PDE11A: variants seen among roughly 807,000 people sequenced by gnomAD.
The protein encoded by PDE11A is dual 3',5'-cyclic-AMP and -GMP phosphodiesterase 11A.
Under a neutral mutation model 100.5 loss-of-function variants are expected in PDE11A, and 100 were observed. The observed-to-expected ratio is 1.00, with a 90% CI of 0.85 to 1.18. PDE11A has a LOEUF of 1.18. PDE11A is among the 50% of genes most tolerant of loss of function. PDE11A has a pLI of 0.00. For synonymous variants in PDE11A, 381 were observed against 420.8 expected (o/e 0.91, Z 1.16); for missense variants, 1,141 against 1,152.6 (o/e 0.99, Z 0.15).
At chr2:177,680,118 G>T (rs1328434479) in intron 16 of PDE11A, among the ~76,000 whole-genome samples, 2 of 152,070 alleles carry the variant, frequency 1.3e-5, no homozygotes, top group Non-Finnish European at 2.9e-5. Context: ...TCCAGTAGTT[G>T]CCTGGTTGTG....
intron 2 of PDE11A, among the ~76,000 whole-genome samples, chr2:177,931,422 A>G (rs1280586188): frequency 1.3e-5 from 2 of 152,276 alleles, no homozygotes; most frequent in East Asian, 3.9e-4. Context: ...CAATACATTC[A>G]AAAAAGTTGA....
At chr2:178,059,254 G>A (rs1198169367) in intron 1 of PDE11A, among the ~76,000 whole-genome samples, 1 of 152,170 alleles carries the variant, frequency 6.6e-6, no homozygotes, top group East Asian at 1.9e-4. Flanking sequence ...TCTGTGTCTA[G>A]CAGGGTCCAG....
intron 15 of PDE11A, among the ~76,000 whole-genome samples, chr2:177,681,524 C>T (rs1481856798): frequency 6.6e-6 from 1 of 152,166 alleles, no homozygotes; most frequent in Non-Finnish European, 1.5e-5. Context: ...GTTTCAGTTG[C>T]TAACTCACAG....
chr2:177,799,322 T>C (rs1337415772), intron 9 of PDE11A, among the ~76,000 whole-genome samples: 1 of 152,136 alleles, frequency 6.6e-6, no homozygotes, highest in African/African-American at 2.4e-5. Context: ...GGACTTTAGT[T>C]GATAATAATA....
chr2:177,769,959 C>T (rs192653821), intron 9 of PDE11A, among the ~76,000 whole-genome samples: 1 of 151,142 alleles, frequency 6.6e-6, no homozygotes, highest in East Asian at 1.9e-4. Context: ...AATACTTGTC[C>T]TGTGAAATGC....
intron 10 of PDE11A, among the ~76,000 whole-genome samples, chr2:177,731,278 A>T (rs146123642): frequency 6.6e-6 from 1 of 152,290 alleles, no homozygotes; most frequent in African/African-American, 2.4e-5. Flanking sequence ...GCGGCCTGAT[A>T]ATCTTTAGTT....
chr2:178,035,767 T>C (rs1006185167), intron 1 of PDE11A, among the ~76,000 whole-genome samples: 1 of 152,038 alleles, frequency 6.6e-6, no homozygotes, highest in Non-Finnish European at 1.5e-5. Context: ...ACAGAACCAA[T>C]GACAAAAACC....
Position 177,666,510 on chromosome 2 carries a change from T to C in PDE11A, c.2563-2561A>G, listed in dbSNP as rs1449045601. On this transcript the variant is annotated intron_variant, in intron 18 of 19. Transcript: ENST00000286063. ...AAACAGCTGCACCATTTTACATTCC[T>C]GCTAACAATGTATGAGCTTCCAATT... is the stretch of plus-strand genomic sequence containing the variant. 2.6e-5 allele frequency among the ~76,000 whole-genome samples: 4 copies of C among 152,224 alleles called. No individual in the cohort carries two copies. In the East Asian group the frequency reaches 7.7e-4, roughly 29 times the overall value.
intron 10 of PDE11A, among the ~76,000 whole-genome samples, chr2:177,766,307 C>A (rs2082237979): frequency 6.6e-6 from 1 of 152,202 alleles, no homozygotes; most frequent in South Asian, 2.1e-4. Context: ...GCTGATCTGA[C>A]AGGAGGCGGA....
chr2:178,010,636 T>G (rs1405201494), intron 2 of PDE11A, among the ~76,000 whole-genome samples: 2 of 152,142 alleles, frequency 1.3e-5, no homozygotes, highest in African/African-American at 2.4e-5. Flanking sequence ...TTTGTATTAG[T>G]GAAACACAGG....
chr2:177,994,337 G>T (rs1403019466), intron 2 of PDE11A, among the ~76,000 whole-genome samples: 1 of 152,152 alleles, frequency 6.6e-6, no homozygotes, highest in Non-Finnish European at 1.5e-5. Context: ...CCATCTTCCA[G>T]TTAACTGTCT....
chr2:177,700,522 G>A lies in PDE11A; in HGVS notation c.2244+599C>T, dbSNP rs182763088. ...TGGTTTCTGTTTTTCTCTGTGGAGAGCTAAAAGTATAAAATTCCAACTACT... is the reference window on the plus strand; with the variant it reads ...TGGTTTCTGTTTTTCTCTGTGGAGAACTAAAAGTATAAAATTCCAACTACT... On this transcript the variant is annotated intron_variant, in intron 14 of 19. Coordinates refer to ENST00000286063, the MANE Select transcript of PDE11A (RefSeq NM_016953.4). 1.0e-3 allele frequency among the ~76,000 whole-genome samples: 159 copies of A among 152,202 alleles called. 1 individual carries two copies. The highest frequency in any genetic ancestry group is 3.4e-3 in the African/African-American group (141 of 41,536).
intron 17 of PDE11A, among the ~76,000 whole-genome samples, chr2:177,674,289 T>C (rs368464447): frequency 6.6e-6 from 1 of 152,312 alleles, no homozygotes; most frequent in East Asian, 1.9e-4. Context: ...ACCATAAAGT[T>C]AGTGGCCAAA....
chr2:177,709,143 G>C (rs1381067758), intron 13 of PDE11A, among the ~76,000 whole-genome samples: 1 of 152,194 alleles, frequency 6.6e-6, no homozygotes, highest in Admixed American at 6.5e-5. Context: ...CAGGGAAATG[G>C]GCAGGAGTCC....
At chr2:178,052,577 T>G (rs2086843248) in intron 1 of PDE11A, among the ~76,000 whole-genome samples, 1 of 152,064 alleles carries the variant, frequency 6.6e-6, no homozygotes. Flanking sequence ...ATCCAGGAGC[T>G]GGTTTTTTGA....
Position 177,726,094 on chromosome 2 carries a change from T to C in PDE11A, c.2043+1564A>G, listed in dbSNP as rs544148812. The stretch of plus-strand genomic sequence containing the variant: ...AAAAACAAAATGAAGATTTTTTTTT[T>C]CCAAGCAATGGTTGTTACTTGAGCT... On this transcript the variant is annotated intron_variant, in intron 12 of 19. Transcript: ENST00000286063. 1.2e-3 allele frequency among the ~76,000 whole-genome samples: 187 copies of C among 152,218 alleles called. 4 individuals are homozygous for C. Among genetic ancestry groups the C allele is most frequent in the Non-Finnish European group, 1.6e-3 (106 of 67,990 alleles).
intron 2 of PDE11A, chr2:177,998,216 ATCT>A (rs2086101303): frequency 2.4e-6 from 2 of 831,636 alleles, no homozygotes. Flanking sequence ...CATGAGTCAC[ATCT>A]TCTAGGACGT....
chr2:177,995,697 A>G (rs2086064449), intron 2 of PDE11A, among the ~76,000 whole-genome samples: 1 of 150,064 alleles, frequency 6.7e-6, no homozygotes, highest in Non-Finnish European at 1.5e-5. Flanking sequence ...GCTAACTTAT[A>G]CAATAATTTT....
chr2:177,753,873 T>C (rs755614040), intron 10 of PDE11A, among the ~76,000 whole-genome samples: 1 of 151,840 alleles, frequency 6.6e-6, no homozygotes, highest in East Asian at 1.9e-4. Context: ...TTGATTTTTA[T>C]GGATGAAAGC....
Sources: gnomAD v4.1 joint callset for allele counts (sites outside exome capture counted in the v4.1 genomes callset) on GRCh38, gnomAD v4.1.1 for gene constraint, MANE v1.5 for transcripts, NCBI Gene and HGNC (gene_info 2026-07-23, HGNC 2026-07-21) for gene names.